The following USP14 variants were observed in gnomAD, a reference collection of about 807,000 sequenced individuals.
USP14 encodes ubiquitin carboxyl-terminal hydrolase 14.
Under a neutral mutation model 76.5 loss-of-function variants are expected in USP14, and 38 were observed. That is an observed-to-expected ratio of 0.50 (90% CI 0.38 to 0.65). The LOEUF (loss-of-function observed/expected upper bound fraction) is 0.65. Ranked by LOEUF, USP14 falls within the 30% of genes least tolerant of loss-of-function variation. USP14 has a pLI of 0.00. For missense variants in USP14, 467 were observed against 586.5 expected, an observed-to-expected ratio of 0.80 and a Z score of 2.10; for synonymous variants, 192 against 191.7, an observed-to-expected ratio of 1.00 and a Z score of -0.01.
rs936053210 is a variant in USP14 at position 158,781 on chromosome 18, C to G, written c.16+67C>G. The stretch of plus-strand genomic sequence containing the variant: ...CGCTAGGCCTCCGCGTAGGCCTGGC[C>G]TGCACGGGCGGGCACCCGGCATGGA... On this transcript the variant is annotated intron_variant, in intron 1 of 15. Transcript: ENST00000261601. 5 of 1,340,650 alleles carry G rather than the reference C, an allele frequency of 3.7e-6. No homozygotes were observed. The African/African-American group carries it at 6.1e-5, about 16-fold the overall frequency. 83.0% of individuals were successfully genotyped at this position (1,340,650 alleles called of 1,614,324 possible). A position where few individuals can be genotyped will look rare whatever the true frequency, so the allele number is the denominator to read the frequency against.
intron 3 of USP14, among the ~76,000 whole-genome samples, chr18:176,069 G>A (rs544663264): frequency 6.6e-6 from 1 of 150,420 alleles, no homozygotes; most frequent in African/African-American, 2.4e-5. Context: ...CTGCTTTTTC[G>A]TTTTCCTCTC....
Position 181,606 on chromosome 18 carries a change from A to G in USP14, c.404+1267A>G, listed in dbSNP as rs546920081. Among the ~76,000 whole-genome samples, 176 of 152,296 alleles carry G rather than the reference A, an allele frequency of 1.2e-3. 1 individual carries two copies. Among genetic ancestry groups the G allele is most frequent in the African/African-American group, 4.0e-3 (167 of 41,584 alleles). ...GGATAATTTGCAAATCTTTTCTTCT[A>G]TACTATAAGCTGTCATTTTACTTTC... On this transcript the variant is annotated intron_variant, in intron 5 of 15. Coordinates refer to ENST00000261601, the MANE Select transcript of USP14 (RefSeq NM_005151.4).
At chr18:185,790 G>A (rs1433288884) in intron 5 of USP14, among the ~76,000 whole-genome samples, 1 of 151,736 alleles carries the variant, frequency 6.6e-6, no homozygotes, top group Non-Finnish European at 1.5e-5. Flanking sequence ...GACCTCTTGG[G>A]CTCAAGGATC....
At chr18:160,596 C>T (rs897925925) in intron 1 of USP14, among the ~76,000 whole-genome samples, 4 of 152,202 alleles carry the variant, frequency 2.6e-5, no homozygotes, top group African/African-American at 9.7e-5. Flanking sequence ...TAATCTTCAA[C>T]GTAATCCTGT....
intron 10 of USP14, among the ~76,000 whole-genome samples, chr18:200,263 AC>A (rs1910350144): frequency 6.6e-6 from 1 of 152,206 alleles, no homozygotes; most frequent in Non-Finnish European, 1.5e-5. Context: ...CTGTTTTCTT[AC>A]GTGAAAATGA....
chr18:176,178 C>T (rs1909622505), intron 3 of USP14, among the ~76,000 whole-genome samples: 2 of 151,726 alleles, frequency 1.3e-5, no homozygotes, highest in African/African-American at 4.8e-5. Context: ...AACATTTGGC[C>T]TGTTCATTTA....
intron 13 of USP14, among the ~76,000 whole-genome samples, chr18:205,656 C>T (rs565243612): frequency 3.9e-5 from 6 of 152,140 alleles, no homozygotes; most frequent in African/African-American, 7.2e-5. Flanking sequence ...TGGCATACAC[C>T]GGTAGTTCTA....
rs115694628 is a variant in USP14, at chr18:167,329, A to G, written c.195+510A>G. ...ATAGTATATGTTCTTATGCTCTCCA[A>G]CTTTCTCCTCTTTGAGATTTTGTTT... is the stretch of plus-strand genomic sequence containing the variant. On this transcript the variant is annotated intron_variant, in intron 3 of 15. Coordinates refer to ENST00000261601, the MANE Select transcript of USP14 (RefSeq NM_005151.4). Among the ~76,000 whole-genome samples the G allele has an allele frequency of 5.3e-3, 808 of 152,310 alleles. 14 individuals are homozygous for G. The highest frequency in any genetic ancestry group is 0.018 in the African/African-American group (760 of 41,568).
At chr18:171,025 A>AAAAAAATATATATATATAT (rs1327304974) in intron 3 of USP14, among the ~76,000 whole-genome samples, 11 of 47,644 alleles carry the variant, frequency 2.3e-4, no homozygotes, top group African/African-American at 8.7e-4. Context: ...AAAAAAAAAA[A>AAAAAAATATATATATATAT]ATATATATAT....
At chr18:160,329 A>T (rs146922887) in intron 1 of USP14, among the ~76,000 whole-genome samples, 1 of 152,154 alleles carries the variant, frequency 6.6e-6, no homozygotes, top group Non-Finnish European at 1.5e-5. Flanking sequence ...AGAAAATTAC[A>T]TATCTAGATT....
At chr18:200,296 TG>T (rs1362957585) in intron 10 of USP14, among the ~76,000 whole-genome samples, 1 of 152,210 alleles carries the variant, frequency 6.6e-6, no homozygotes, top group Non-Finnish European at 1.5e-5. Context: ...GGGTTGTTTG[TG>T]GGTTTGTGCT....
At chr18:207,032 G>T (rs1200210249) in intron 13 of USP14, among the ~76,000 whole-genome samples, 2 of 114,584 alleles carry the variant, frequency 1.7e-5, no homozygotes, top group African/African-American at 2.8e-5. Context: ...TTTTGCATGT[G>T]AATATCTGGT....
At chr18:160,264 A>G (rs781267554) in intron 1 of USP14, among the ~76,000 whole-genome samples, 1 of 151,576 alleles carries the variant, frequency 6.6e-6, no homozygotes, top group Non-Finnish European at 1.5e-5. Context: ...AGATCGCGCC[A>G]TTGCACTTCA....
rs569887447 is a variant in USP14, at chr18:191,091, A to G, written c.405-1751A>G. On this transcript the variant is annotated intron_variant, in intron 5 of 15. Coordinates refer to ENST00000261601, the MANE Select transcript of USP14 (RefSeq NM_005151.4). ...CAGCAGCGATTATATAGCTAATTAC[A>G]TACCCAAGTGATGTTCAGGGTATGT... 7.2e-5 allele frequency among the ~76,000 whole-genome samples: 11 copies of G among 152,262 alleles called. No homozygotes were observed. The East Asian group carries it at 1.2e-3, about 16-fold the overall frequency.
At position 203,223 on chromosome 18, in the gene USP14, G is replaced by A. The variant is rs142220571; in HGVS notation, c.1035+33G>A. The A allele has an allele frequency of 1.9e-5, 29 of 1,561,392 alleles. No homozygotes were observed. In the African/African-American group the frequency reaches 3.5e-4, roughly 19 times the overall value. On this transcript the variant is annotated intron_variant, in intron 12 of 15. Coordinates refer to ENST00000261601, the MANE Select transcript of USP14 (RefSeq NM_005151.4). Reference sequence around the variant, plus strand: ...ATGAACTTTACTTTGTATAAGAAATGTAATTCTTTGAAGGTAATTGCTAAC... The same window carrying A: ...ATGAACTTTACTTTGTATAAGAAATATAATTCTTTGAAGGTAATTGCTAAC...
intron 3 of USP14, among the ~76,000 whole-genome samples, chr18:168,701 C>G (rs1909350080): frequency 1.3e-5 from 2 of 152,086 alleles, no homozygotes; most frequent in Middle Eastern, 3.4e-3. Flanking sequence ...TCCCAAAGTG[C>G]TGGAATTACA....
At chr18:162,615 T>C (rs1424151658) in intron 1 of USP14, among the ~76,000 whole-genome samples, 1 of 152,086 alleles carries the variant, frequency 6.6e-6, no homozygotes, top group African/African-American at 2.4e-5. Context: ...CTCTCTCTCT[T>C]CTTTTCCAAT....
At chr18:158,844 C>G (rs1001489824) in intron 1 of USP14, 130 bp downstream of exon 1, 155 of 1,241,686 alleles carry the variant, frequency 1.2e-4, no homozygotes, top group Non-Finnish European at 1.6e-4. Context: ...GGGCCGGCGG[C>G]GCGGAGATGA....
At chr18:177,230 T>G (rs1909650772) in intron 3 of USP14, among the ~76,000 whole-genome samples, 1 of 152,024 alleles carries the variant, frequency 6.6e-6, no homozygotes, top group Admixed American at 6.6e-5. Flanking sequence ...GTGTATTCTT[T>G]AAATAGTTGG....
Sources: gnomAD v4.1 joint callset for allele counts (sites outside exome capture counted in the v4.1 genomes callset) on GRCh38, gnomAD v4.1.1 for gene constraint, MANE v1.5 for transcripts, NCBI Gene and HGNC (gene_info 2026-07-23, HGNC 2026-07-21) for gene names.